Variants in TMEM26 observed in about 807,000 individuals in gnomAD.
TMEM26 encodes the protein transmembrane protein 26.
In TMEM26, 38 loss-of-function variants were observed where a neutral mutation model predicts 28.8. The observed-to-expected ratio is 1.32, with a 90% CI of 1.02 to 1.73. The LOEUF is 1.73. Ranked by LOEUF, TMEM26 falls within the 40% of genes most tolerant of loss-of-function variation. The pLI is 0.00. For missense variants in TMEM26, 518 were observed against 447.1 expected (o/e 1.16, Z -1.43); for synonymous variants, 227 against 182.9 (o/e 1.24, Z -1.95).
chr10:61,441,110 G>T (rs1398667783), intron 1 of TMEM26, among the ~76,000 whole-genome samples: 1 of 151,910 alleles, frequency 6.6e-6, no homozygotes, highest in Non-Finnish European at 1.5e-5. Flanking sequence ...TTTTTGATCT[G>T]CAGTTGGTTG....
chr10:61,446,284 T>G (rs1342474542), intron 1 of TMEM26, among the ~76,000 whole-genome samples: 1 of 152,148 alleles, frequency 6.6e-6, no homozygotes, highest in Non-Finnish European at 1.5e-5. Flanking sequence ...CTAATAACAT[T>G]CAGTGTGTGC....
intron 1 of TMEM26, among the ~76,000 whole-genome samples, chr10:61,437,162 C>A (rs1426300136): frequency 1.3e-5 from 2 of 152,192 alleles, no homozygotes; most frequent in African/African-American, 4.8e-5. Flanking sequence ...CCTCAGATAT[C>A]CGTCTCTTCT....
At chr10:61,443,226 G>T (rs182918744) in intron 1 of TMEM26, among the ~76,000 whole-genome samples, 83 of 151,922 alleles carry the variant, frequency 5.5e-4, no homozygotes, top group African/African-American at 1.9e-3. Flanking sequence ...GCCGAGGTGG[G>T]CGGATAACAA....
At chr10:61,429,563 T>C (rs911571070) in intron 3 of TMEM26, among the ~76,000 whole-genome samples, 1 of 152,116 alleles carries the variant, frequency 6.6e-6, no homozygotes, top group South Asian at 2.1e-4. Flanking sequence ...CTGAATGTAC[T>C]AATCTTGAAA....
chr10:61,420,587 C>A (rs1047251239), intron 4 of TMEM26, among the ~76,000 whole-genome samples: 4 of 151,904 alleles, frequency 2.6e-5, no homozygotes, highest in Admixed American at 2.6e-4. Context: ...TATTATATGG[C>A]TTTGTTGATC....
chr10:61,428,155 T>A (rs1839861889), intron 4 of TMEM26, among the ~76,000 whole-genome samples: 1 of 152,084 alleles, frequency 6.6e-6, no homozygotes, highest in Admixed American at 6.6e-5. Context: ...AACTGTAGCA[T>A]TAAAAGCCAG....
chr10:61,413,225 G>T (rs554470874), intron 5 of TMEM26, among the ~76,000 whole-genome samples: 1 of 152,164 alleles, frequency 6.6e-6, no homozygotes, highest in East Asian at 1.9e-4. Context: ...GCTATTTGAA[G>T]TAAATATAAC....
intron 4 of TMEM26, among the ~76,000 whole-genome samples, chr10:61,425,275 T>C (rs1839812056): frequency 6.6e-6 from 1 of 152,102 alleles, no homozygotes; most frequent in South Asian, 2.1e-4. Context: ...ACCAGCTTCC[T>C]CCCATGACAC....
At chr10:61,413,641 C>A (rs893418350) in intron 4 of TMEM26, 106 bp from the exon 5 acceptor site, 11 of 1,328,540 alleles carry the variant, frequency 8.3e-6, no homozygotes, top group South Asian at 4.7e-5. Context: ...CCTCTTGTGG[C>A]CAAAATATCT....
intron 4 of TMEM26, among the ~76,000 whole-genome samples, chr10:61,418,469 T>A (rs772662900): frequency 1.1e-4 from 16 of 152,116 alleles, no homozygotes; most frequent in Non-Finnish European, 2.2e-4. Context: ...ATTTATGATA[T>A]CAAGTTTCTT....
chr10:61,450,964 T>C (rs1174744112), intron 1 of TMEM26, among the ~76,000 whole-genome samples: 1 of 152,230 alleles, frequency 6.6e-6, no homozygotes, highest in East Asian at 1.9e-4. Flanking sequence ...TATATTATTT[T>C]ATATAATTCT....
chr10:61,412,970 T>A (rs1220234096), intron 5 of TMEM26: 3 of 1,285,216 alleles, frequency 2.3e-6, no homozygotes, highest in East Asian at 5.7e-5. Flanking sequence ...TAACTGCTCC[T>A]ATGTCTTCTG....
chr10:61,448,214 G>A (rs1840217983), intron 1 of TMEM26, among the ~76,000 whole-genome samples: 1 of 152,242 alleles, frequency 6.6e-6, no homozygotes, highest in South Asian at 2.1e-4. Context: ...TCCGGATGCA[G>A]CTCTCACCCA....
chr10:61,429,555 G>C (rs1839888395), intron 3 of TMEM26, among the ~76,000 whole-genome samples: 1 of 151,864 alleles, frequency 6.6e-6, no homozygotes, highest in Non-Finnish European at 1.5e-5. Context: ...TTTTAAATCT[G>C]AATGTACTAA....
At chr10:61,411,024 TG>T (rs547888151) in intron 5 of TMEM26, among the ~76,000 whole-genome samples, 93 of 152,284 alleles carry the variant, frequency 6.1e-4, no homozygotes, top group African/African-American at 2.2e-3. Context: ...GAGCCAGTCA[TG>T]GTCACAAGTG....
intron 3 of TMEM26, 22 bp from the exon 4 acceptor site, chr10:61,429,168 C>G (rs1839881155): frequency 6.3e-7 from 1 of 1,594,352 alleles, no homozygotes; most frequent in Admixed American, 1.7e-5. Flanking sequence ...AAATGTCATA[C>G]AGACAGGATT....
At chr10:61,415,582 A>G (rs184427044) in intron 4 of TMEM26, among the ~76,000 whole-genome samples, 2 of 152,174 alleles carry the variant, frequency 1.3e-5, no homozygotes, top group East Asian at 3.9e-4. Flanking sequence ...GGTAAAAGAG[A>G]GTTGAGGAAA....
chr10:61,436,103 A>T, intron 2 of TMEM26, 67 bp downstream of exon 2: 3 of 1,011,342 alleles, frequency 3.0e-6, no homozygotes. Context: ...CCGAAAATAA[A>T]CTGGATCATA....
In TMEM26 at chr10:61,420,919, A is replaced by G. The variant is rs775523137; in HGVS notation, c.606-7384T>C. Among the ~76,000 whole-genome samples the G allele has an allele frequency of 3.2e-4, 48 of 152,226 alleles. No homozygotes were observed. In the Middle Eastern group the frequency reaches 0.01, roughly 32 times the overall value. ...ATATACAGTCATATAGATATTTTCT[A>G]ATATCTTTTTAAAACCTTAAAAGAT... is the stretch of plus-strand genomic sequence containing the variant. On this transcript the variant is annotated intron_variant, in intron 4 of 5. Transcript: ENST00000399298.
Sources: gnomAD v4.1 joint callset for allele counts (sites outside exome capture counted in the v4.1 genomes callset) on GRCh38, gnomAD v4.1.1 for gene constraint, MANE v1.5 for transcripts, NCBI Gene and HGNC (gene_info 2026-07-23, HGNC 2026-07-21) for gene names.